The following ACSF2 variants were observed in gnomAD, a reference collection of about 807,000 sequenced individuals.
The protein encoded by ACSF2 is acyl-CoA synthetase family member 2, also known as medium-chain acyl-CoA ligase ACSF2, mitochondrial.
In ACSF2, 52 loss-of-function variants were observed where a neutral mutation model predicts 79.3. That is an observed-to-expected ratio of 0.66 (90% CI 0.53 to 0.83). The LOEUF is 0.83. Ranked by LOEUF, ACSF2 falls within the 40% of genes least tolerant of loss-of-function variation. The probability of loss-of-function intolerance (pLI) is 0.00; values close to 1 mark genes in which losing one functional copy is unlikely to be tolerated. For missense variants in ACSF2, 661 were observed against 803.3 expected (o/e 0.82, Z 2.14); for synonymous variants, 283 against 312.6 (o/e 0.91, Z 1.00).
In ACSF2 at chr17:50,463,101, C is replaced by A; in HGVS notation, c.793-55C>A. 1 of 1,469,326 alleles carries A rather than the reference C, an allele frequency of 6.8e-7. No homozygotes were observed. 91.0% of individuals were successfully genotyped at this position (1,469,326 alleles called of 1,614,324 possible). ...TCCCGTGCTCTTCAAGGCAGTGGCC[C>A]AGGGTGGGAAGGAGATGAGAAGGAG... On this transcript the variant is annotated intron_variant, in intron 6 of 15. Transcript: ENST00000300441. This position sits in a 1 kb window ranked among gnomAD's most constrained non-coding sequence, Gnocchi z 4.6.
intron 1 of ACSF2, among the ~76,000 whole-genome samples, chr17:50,455,623 T>G (rs2031943553): frequency 6.6e-6 from 1 of 152,128 alleles, no homozygotes; most frequent in African/African-American, 2.4e-5. Flanking sequence ...TGGGCTGGCC[T>G]GCAGAACCAG....
At chr17:50,472,121 T>G in intron 11 of ACSF2, 1 of 367,274 alleles carries the variant, frequency 2.7e-6, no homozygotes, top group Middle Eastern at 7.4e-4. Flanking sequence ...GGTTTATAAT[T>G]CTTCAGCTGG....
chr17:50,472,755 G>A (rs2033179714), intron 12 of ACSF2, 176 bp downstream of exon 12: 1 of 688,096 alleles, frequency 1.5e-6, no homozygotes, highest in African/African-American at 1.9e-5. Flanking sequence ...ACATAGCACA[G>A]AAGAAAGCAA....
intron 10 of ACSF2, chr17:50,468,929 C>T (rs2032946683): frequency 4.3e-6 from 6 of 1,404,648 alleles, no homozygotes; most frequent in East Asian, 5.5e-5. Context: ...TGACCGCAGC[C>T]GGCAGCCGAG....
intron 10 of ACSF2, among the ~76,000 whole-genome samples, chr17:50,466,461 G>A (rs2032736572): frequency 6.6e-6 from 1 of 152,194 alleles, no homozygotes; most frequent in African/African-American, 2.4e-5. Flanking sequence ...TCACAGCAGT[G>A]GGTAAACAGT....
In ACSF2 at chr17:50,460,722, C is replaced by T. The variant is rs144020265; in HGVS notation, c.174C>T (p.Leu58=). 11 of 1,613,196 alleles carry T rather than the reference C, an allele frequency of 6.8e-6. No homozygotes were observed. The African/African-American group carries it at 1.2e-4, about 18-fold the overall frequency. The change falls in exon 2 of 16, where the codon CTC becomes CTT. Residue 58 remains leucine (L), a synonymous_variant. Coordinates refer to ENST00000300441, the MANE Select transcript of ACSF2 (RefSeq NM_025149.6). ...TGGTCTCCACGCCCATCGGAGGCCTCAGCTACGTTCAGGGGTGCACCAAAA... is the reference window on the plus strand; with the variant it reads ...TGGTCTCCACGCCCATCGGAGGCCTTAGCTACGTTCAGGGGTGCACCAAAA... The part of the protein sequence containing the change: ...DRMVSTPIGG[L]SYVQGCTKKH...
Position 50,474,095 on chromosome 17 carries a change from C to A in ACSF2, c.1728+91C>A. 1 of 1,583,724 alleles carries A rather than the reference C, an allele frequency of 6.3e-7. No homozygotes were observed. Among genetic ancestry groups the A allele is most frequent in the South Asian group, 1.1e-5 (1 of 88,010 alleles). On this transcript the variant is annotated intron_variant, in intron 14 of 15. Transcript: ENST00000300441. This position sits in a 1 kb window ranked among gnomAD's most constrained non-coding sequence, Gnocchi z 4.2. ...CAGCCCAGGGTGGGGATTGCTCTGCCCTTGACGAAGCTGACTCCTGGCCAG... is the reference window on the plus strand; with the variant it reads ...CAGCCCAGGGTGGGGATTGCTCTGCACTTGACGAAGCTGACTCCTGGCCAG...
intron 1 of ACSF2, among the ~76,000 whole-genome samples, chr17:50,442,894 G>C (rs1169936647): frequency 6.6e-6 from 1 of 150,760 alleles, no homozygotes. Context: ...ATACCTTTAG[G>C]CATTTTTTAG....
At position 50,426,250 on chromosome 17, in the gene ACSF2, G is replaced by T; in HGVS notation, c.-12G>T. 1 of 1,352,216 alleles carries T rather than the reference G, an allele frequency of 7.4e-7. No individual in the cohort carries two copies. The highest frequency in any genetic ancestry group is 9.6e-7 in the Non-Finnish European group (1 of 1,044,994). 83.8% of individuals were successfully genotyped at this position (1,352,216 alleles called of 1,614,324 possible). ...AAGTTTACTCGGGCCGGGACGCAGGGCAAAGCGAGCCATGGCTGTCTACGT... is the reference window on the plus strand; with the variant it reads ...AAGTTTACTCGGGCCGGGACGCAGGTCAAAGCGAGCCATGGCTGTCTACGT... On this transcript the variant is annotated 5_prime_UTR_variant, in exon 1 of 16. Coordinates refer to ENST00000300441, the MANE Select transcript of ACSF2 (RefSeq NM_025149.6).
At chr17:50,439,228 A>C in intron 1 of ACSF2, among the ~76,000 whole-genome samples, 2 of 134,328 alleles carry the variant, frequency 1.5e-5, no homozygotes, top group African/African-American at 5.7e-5. Flanking sequence ...ATGCTACCAC[A>C]CAGCTTTTTT....
Position 50,468,537 on chromosome 17 carries a change from C to G in ACSF2, c.1216-2491C>G, listed in dbSNP as rs369956595. On this transcript the variant is annotated intron_variant, in intron 10 of 15. Transcript: ENST00000300441. ...AGTTGCTTGAGGCCGCGGAAGGCACCGGCGGCCACCTCGCGGATCTGGCAG... is the reference window on the plus strand; with the variant it reads ...AGTTGCTTGAGGCCGCGGAAGGCACGGGCGGCCACCTCGCGGATCTGGCAG... The G allele has an allele frequency of 2.5e-6, 4 of 1,614,102 alleles. No individual in the cohort carries two copies. In the East Asian group the frequency reaches 8.9e-5, roughly 36 times the overall value.
At chr17:50,441,606 G>A (rs1351082857) in intron 1 of ACSF2, among the ~76,000 whole-genome samples, 2 of 152,204 alleles carry the variant, frequency 1.3e-5, no homozygotes, top group African/African-American at 4.8e-5. Flanking sequence ...TGGGTGAGGT[G>A]CTGCATTTCT....
Position 50,471,439 on chromosome 17 carries a change from T to A in ACSF2, c.1323+304T>A, listed in dbSNP as rs2033117771. The A allele has an allele frequency of 2.5e-6, 1 of 407,614 alleles. No individual in the cohort carries two copies. Among genetic ancestry groups the A allele is most frequent in the Non-Finnish European group, 4.6e-6 (1 of 216,736 alleles). The allele number at this position is 407,614 out of a possible 1,614,324, so 25.2% of individuals were successfully genotyped here. Reference sequence around the variant, plus strand: ...CTGTTTCAGGGCAGCCAGGGTAGCCTCAAAGAGGAGCCAGAGCACAGAGAG... The same window carrying A: ...CTGTTTCAGGGCAGCCAGGGTAGCCACAAAGAGGAGCCAGAGCACAGAGAG... On this transcript the variant is annotated intron_variant, in intron 11 of 15. Transcript: ENST00000300441. This position sits in a 1 kb window ranked among gnomAD's most constrained non-coding sequence, Gnocchi z 4.1.
intron 1 of ACSF2, among the ~76,000 whole-genome samples, chr17:50,441,478 C>T (rs984745623): frequency 3.9e-5 from 6 of 152,104 alleles, no homozygotes; most frequent in South Asian, 2.1e-4. Flanking sequence ...CCTGGCCTGG[C>T]GGTCCTTTTT....
At chr17:50,464,325 C>T (rs758957892) in intron 10 of ACSF2, 31 bp downstream of exon 10, 1 of 1,606,626 alleles carries the variant, frequency 6.2e-7, no homozygotes, top group South Asian at 1.1e-5. Flanking sequence ...GGGCTGTGGG[C>T]AGGCCAGGCC....
chr17:50,469,538 C>A (rs1480621861), intron 10 of ACSF2, among the ~76,000 whole-genome samples: 1 of 152,140 alleles, frequency 6.6e-6, no homozygotes, highest in Non-Finnish European at 1.5e-5. Flanking sequence ...CTGTCGCCGG[C>A]GCCCTCATCC....
At chr17:50,458,474 AG>A (rs1176476310) in intron 1 of ACSF2, among the ~76,000 whole-genome samples, 2 of 152,074 alleles carry the variant, frequency 1.3e-5, no homozygotes, top group Non-Finnish European at 2.9e-5. Flanking sequence ...CTGTCAGCTT[AG>A]GCATAAATTT....
chr17:50,461,103 C>G, intron 2 of ACSF2, 139 bp from the exon 3 acceptor site: 1 of 1,369,242 alleles, frequency 7.3e-7, no homozygotes, highest in South Asian at 1.4e-5. Flanking sequence ...CAGGGCAGAC[C>G]CACTGAGGCT....
chr17:50,466,893 A>G (rs1241816315), intron 10 of ACSF2, among the ~76,000 whole-genome samples: 4 of 152,122 alleles, frequency 2.6e-5, no homozygotes, highest in African/African-American at 9.7e-5. Context: ...GGGGACTCCA[A>G]CTTCAGCTGG....
Sources: gnomAD v4.1 joint callset for allele counts (sites outside exome capture counted in the v4.1 genomes callset) on GRCh38, gnomAD v4.1.1 for gene constraint, Gnocchi (gnomAD v3.1) non-coding constraint, MANE v1.5 for transcripts, NCBI Gene and HGNC (gene_info 2026-07-23, HGNC 2026-07-21) for gene names.